Variants in TMEM39B observed in about 807,000 individuals in gnomAD.
The protein encoded by TMEM39B is transmembrane protein 39B.
Under a neutral mutation model 52.2 loss-of-function variants are expected in TMEM39B, and 23 were observed. That is an observed-to-expected ratio of 0.44 (90% CI 0.32 to 0.62). TMEM39B has a LOEUF of 0.62. TMEM39B is among the 20% of genes least tolerant of loss of function. The pLI is 0.06. For missense variants in TMEM39B, 547 were observed against 642.0 expected, an observed-to-expected ratio of 0.85 and a Z score of 1.60; for synonymous variants, 285 against 264.0, an observed-to-expected ratio of 1.08 and a Z score of -0.77.
intron 5 of TMEM39B, among the ~76,000 whole-genome samples, chr1:32,080,763 C>T (rs774051130): frequency 1.5e-4 from 23 of 151,634 alleles, no homozygotes; most frequent in Non-Finnish European, 1.5e-5. Context: ...GCAGATAACA[C>T]CCAATGTCAT....
Position 32,102,817 on chromosome 1 carries a change from T to C in TMEM39B, c.*144T>C. The C allele has an allele frequency of 1.1e-6, 1 of 930,764 alleles. No individual in the cohort carries two copies. 57.7% of individuals were successfully genotyped at this position (930,764 alleles called of 1,614,324 possible). On this transcript the variant is annotated 3_prime_UTR_variant, in exon 9 of 9. Transcript: ENST00000336294. Reference sequence around the variant, plus strand: ...GTATTTTTGTTACGTACTGTTTCTTTGATAATTGATGTGATAAGGAAAAAA... The same window carrying C: ...GTATTTTTGTTACGTACTGTTTCTTCGATAATTGATGTGATAAGGAAAAAA...
chr1:32,095,933 G>A (rs1640791377), intron 7 of TMEM39B, among the ~76,000 whole-genome samples: 3 of 152,224 alleles, frequency 2.0e-5, no homozygotes, highest in Admixed American at 2.0e-4. Context: ...CTTGGGCTCT[G>A]AGGGGTGGGA....
upstream of TMEM39B, chr1:32,072,565 G>A (rs1331084239): frequency 6.2e-6 from 1 of 161,886 alleles, no homozygotes; most frequent in African/African-American, 2.4e-5. Context: ...TTTTGACTGG[G>A]GTGGACTAAA....
chr1:32,102,644 C>G lies in TMEM39B; in HGVS notation c.1450C>G (p.Gln484Glu). 1 of 1,599,364 alleles carries G rather than the reference C, an allele frequency of 6.3e-7. No individual in the cohort carries two copies. The highest frequency in any genetic ancestry group is 1.7e-5 in the Admixed American group (1 of 58,810). The change falls in exon 9 of 9, where the codon CAG becomes GAG. Residue 484 changes from glutamine to glutamate, a missense_variant. Gln to Glu is a conservative substitution (Grantham distance 29). Transcript: ENST00000336294. ...GKAYSYSASP[Q>E]RDLDHRFS is the part of the protein sequence containing the mutation. The stretch of plus-strand genomic sequence containing the variant: ...GGCCTACTCATACTCTGCTAGCCCC[C>G]AGAGAGACCTGGACCACCGTTTCTC...
intron 5 of TMEM39B, among the ~76,000 whole-genome samples, chr1:32,084,496 C>T (rs1640252673): frequency 6.6e-6 from 1 of 152,090 alleles, no homozygotes; most frequent in African/African-American, 2.4e-5. Flanking sequence ...GAGATGAGTC[C>T]TTGCATGTCT....
In TMEM39B at chr1:32,076,818, G is replaced by A. The variant is rs756802102; in HGVS notation, c.407G>A (p.Arg136His). Reference sequence around the variant, plus strand: ...ATGGTGACCACCATCGTTCTGGGCCGCCGCTTCATTGGGTCCATCGTGAAG... The same window carrying A: ...ATGGTGACCACCATCGTTCTGGGCCACCGCTTCATTGGGTCCATCGTGAAG... ...LLMVTTIVLG[R>H]RFIGSIVKEA... The change falls in exon 4 of 9, where the codon CGC (arginine) becomes CAC (histidine). Residue 136 changes from arginine (R) to histidine (H), a missense_variant. Physicochemically the swap from Arg to His is conservative, Grantham distance 29. Transcript: ENST00000336294. 10 of 1,614,032 alleles carry A rather than the reference G, an allele frequency of 6.2e-6. No individual in the cohort carries two copies. In the East Asian group the frequency reaches 8.9e-5, roughly 14 times the overall value.
intron 7 of TMEM39B, among the ~76,000 whole-genome samples, chr1:32,098,306 TA>T (rs1404336672): frequency 2.0e-5 from 3 of 151,644 alleles, no homozygotes; most frequent in Non-Finnish European, 4.4e-5. Flanking sequence ...CCCAGCCAAC[TA>T]TTTTTTTTTT....
chr1:32,085,486 C>G (rs1640303210), intron 5 of TMEM39B, among the ~76,000 whole-genome samples: 1 of 152,126 alleles, frequency 6.6e-6, no homozygotes, highest in African/African-American at 2.4e-5. Flanking sequence ...GGCGTGGTGG[C>G]TCACGCCAGT....
chr1:32,085,200 T>C (rs1409649191), intron 5 of TMEM39B, among the ~76,000 whole-genome samples: 1 of 152,148 alleles, frequency 6.6e-6, no homozygotes, highest in African/African-American at 2.4e-5. Context: ...ATCTTCCTTT[T>C]AATTTTTTCT....
chr1:32,076,821 G>C lies in TMEM39B; in HGVS notation c.410G>C (p.Arg137Pro). Residue 137 changes from arginine (R) to proline (P), a missense_variant, in exon 4 of 9, where the codon CGC (arginine) becomes CCC (proline). Arg to Pro is a moderately radical substitution (Grantham distance 103, BLOSUM62 -2). Coordinates refer to ENST00000336294, the MANE Select transcript of TMEM39B (RefSeq NM_018056.4). ...LMVTTIVLGR[R>P]FIGSIVKEAS... ...GTGACCACCATCGTTCTGGGCCGCC[G>C]CTTCATTGGGTCCATCGTGAAGGAG... The C allele has an allele frequency of 6.2e-7, 1 of 1,614,060 alleles. No individual in the cohort carries two copies. Among genetic ancestry groups the C allele is most frequent in the Non-Finnish European group, 8.5e-7 (1 of 1,179,996 alleles).
At chr1:32,086,619 T>C (rs1272176979) in intron 5 of TMEM39B, among the ~76,000 whole-genome samples, 1 of 151,824 alleles carries the variant, frequency 6.6e-6, no homozygotes, top group African/African-American at 2.4e-5. Context: ...ATACAAAAAT[T>C]AGCTGGGCAT....
intron 7 of TMEM39B, 104 bp from the exon 8 acceptor site, chr1:32,100,338 T>C (rs1339517943): frequency 7.6e-7 from 1 of 1,311,266 alleles, no homozygotes; most frequent in Non-Finnish European, 1.0e-6. Context: ...GTCTAAGTGA[T>C]AGAAATGGGA....
intron 5 of TMEM39B, among the ~76,000 whole-genome samples, chr1:32,084,677 C>T (rs1027468432): frequency 6.6e-6 from 1 of 152,086 alleles, no homozygotes; most frequent in Non-Finnish European, 1.5e-5. Context: ...TCAAGTGATT[C>T]TCCTGCCTCA....
chr1:32,090,019 A>C (rs1400777798), intron 5 of TMEM39B, among the ~76,000 whole-genome samples: 2 of 150,922 alleles, frequency 1.3e-5, no homozygotes, highest in Middle Eastern at 3.4e-3. Flanking sequence ...ACAGAGTGAG[A>C]CTCTGTCTCA....
In TMEM39B at chr1:32,101,539, C is replaced by T. The variant is rs533141136; in HGVS notation, c.1237-892C>T. Among the ~76,000 whole-genome samples, 27 of 152,180 alleles carry T rather than the reference C, an allele frequency of 1.8e-4. No individual in the cohort carries two copies. In the South Asian group the frequency reaches 4.6e-3, roughly 26 times the overall value. On this transcript the variant is annotated intron_variant, in intron 8 of 8. Transcript: ENST00000336294. ...ACCCCCTTCACTTCCTGCTCACCCC[C>T]GCTGTAACTCCTAAAGGATCCCCTT...
In TMEM39B at chr1:32,094,982, C is replaced by G. The variant is rs1463425178; in HGVS notation, c.1115+11C>G. On this transcript the variant is annotated intron_variant, in intron 7 of 8. Coordinates refer to ENST00000336294, the MANE Select transcript of TMEM39B (RefSeq NM_018056.4). ...CGTGCTGCAGCACCCGTGAGTCACC[C>G]TACCCTGCTCAACCCAATCCCAGCC... 2 of 1,611,350 alleles carry G rather than the reference C, an allele frequency of 1.2e-6. No individual in the cohort carries two copies. Among genetic ancestry groups the G allele is most frequent in the Admixed American group, 3.3e-5 (2 of 59,970 alleles).
At chr1:32,090,433 A>G (rs973224344) in intron 5 of TMEM39B, among the ~76,000 whole-genome samples, 1 of 151,840 alleles carries the variant, frequency 6.6e-6, no homozygotes, top group African/African-American at 2.4e-5. Flanking sequence ...ATAACAACTC[A>G]TTACTTATAC....
intron 7 of TMEM39B, among the ~76,000 whole-genome samples, chr1:32,095,469 G>C (rs879387416): frequency 1.3e-5 from 2 of 152,112 alleles, no homozygotes; most frequent in Admixed American, 1.3e-4. Flanking sequence ...CATCAGCCTG[G>C]TGCCAGGATG....
intron 5 of TMEM39B, among the ~76,000 whole-genome samples, chr1:32,090,714 A>G (rs1008727495): frequency 1.3e-5 from 2 of 151,914 alleles, no homozygotes; most frequent in Non-Finnish European, 2.9e-5. Context: ...ATCTCGGCTC[A>G]CTGCAAGCTC....
Sources: gnomAD v4.1 joint callset for allele counts (sites outside exome capture counted in the v4.1 genomes callset) on GRCh38, gnomAD v4.1.1 for gene constraint, MANE v1.5 for transcripts, NCBI Gene and HGNC (gene_info 2026-07-23, HGNC 2026-07-21) for gene names.